Variants in OSBPL3 observed in about 807,000 individuals in gnomAD.
OSBPL3 encodes the protein oxysterol binding protein like 3.
In OSBPL3, 65 loss-of-function variants were observed where a neutral mutation model predicts 120.1. The ratio of observed to expected loss-of-function variants is 0.54; its 90% CI spans 0.44 to 0.67. The LOEUF (loss-of-function observed/expected upper bound fraction) is 0.67. OSBPL3 is among the 30% of genes least tolerant of loss of function. The probability of loss-of-function intolerance (pLI) is 0.00; values close to 1 mark genes in which losing one functional copy is unlikely to be tolerated. For synonymous variants in OSBPL3, 416 were observed against 402.6 expected (o/e 1.03, Z -0.40); for missense variants, 1,004 against 1,082.1 (o/e 0.93, Z 1.01).
At chr7:24,929,486 C>G (rs1248370260) in intron 1 of OSBPL3, among the ~76,000 whole-genome samples, 1 of 152,128 alleles carries the variant, frequency 6.6e-6, no homozygotes, top group Non-Finnish European at 1.5e-5. Flanking sequence ...AAAAATATCG[C>G]AGTACTTTCA....
chr7:24,950,498 G>A (rs1401719050), intron 1 of OSBPL3, among the ~76,000 whole-genome samples: 3 of 152,208 alleles, frequency 2.0e-5, no homozygotes, highest in Non-Finnish European at 4.4e-5. Context: ...CGAGGCGGGC[G>A]GATCACGAGG....
chr7:24,950,970 C>T (rs1213977755), intron 1 of OSBPL3, among the ~76,000 whole-genome samples: 1 of 152,036 alleles, frequency 6.6e-6, no homozygotes, highest in African/African-American at 2.4e-5. Context: ...TTATATAAAG[C>T]TAAGCCTTAA....
At chr7:24,971,008 A>C (rs1816954289) in intron 1 of OSBPL3, among the ~76,000 whole-genome samples, 1 of 152,238 alleles carries the variant, frequency 6.6e-6, no homozygotes, top group Admixed American at 6.5e-5. Flanking sequence ...CATGGACAAG[A>C]AAATCCTCTC....
At position 24,962,385 on chromosome 7, in the gene OSBPL3, G is replaced by A. The variant is rs182240120; in HGVS notation, c.-150+17501C>T. On this transcript the variant is annotated intron_variant, in intron 1 of 22. Transcript: ENST00000313367. ...AAAAGAAAAAGAAAGGAGAGGAGAG[G>A]GGAGGGGGGAGGGGAGGGCAGAAGG... 5.5e-3 allele frequency among the ~76,000 whole-genome samples: 710 copies of A among 128,538 alleles called. 4 individuals are homozygous for A. The highest frequency in any genetic ancestry group is 9.6e-3 in the Non-Finnish European group (572 of 59,686). 84.3% of individuals were successfully genotyped at this position (128,538 alleles called of 152,430 possible). A position where few individuals can be genotyped will look rare whatever the true frequency, so the allele number is the denominator to read the frequency against.
Position 24,852,680 on chromosome 7 carries a change from A to T in OSBPL3, c.1028-46T>A, listed in dbSNP as rs956166138. 2.3e-6 allele frequency: 3 copies of T among 1,323,466 alleles called. No homozygotes were observed. The highest frequency in any genetic ancestry group is 2.5e-5 in the East Asian group (1 of 39,948). The allele number at this position is 1,323,466 out of a possible 1,614,324, so 82.0% of individuals were successfully genotyped here. ...TAAAAAGGAATAAGGAGGCATAATT[A>T]AAAACAAAATACAGAAAAAAACATA... On this transcript the variant is annotated intron_variant, in intron 10 of 22. Coordinates refer to ENST00000313367, the MANE Select transcript of OSBPL3 (RefSeq NM_015550.4). The surrounding 1 kb of genome is among the most constrained non-coding windows in gnomAD (Gnocchi z 4.1).
chr7:24,917,414 ATATATATATATATTTG>A (rs1400608472), intron 1 of OSBPL3, among the ~76,000 whole-genome samples: 2 of 141,030 alleles, frequency 1.4e-5, no homozygotes, highest in Non-Finnish European at 1.5e-5. Context: ...ATATATATAT[ATATATATATATATTTG>A]TAACATATAT....
rs1207304053 is a variant in OSBPL3 at position 24,854,580 on chromosome 7, G to A, written c.1028-1946C>T. Reference sequence around the variant, plus strand: ...CTGCCTCTGCCAACAGAAGATGGGGGTCAAATGGAACTAAAATTTTCTAAC... The same window carrying A: ...CTGCCTCTGCCAACAGAAGATGGGGATCAAATGGAACTAAAATTTTCTAAC... On this transcript the variant is annotated intron_variant, in intron 10 of 22. Transcript: ENST00000313367. The surrounding 1 kb of genome is among the most constrained non-coding windows in gnomAD (Gnocchi z 4.1). Among the ~76,000 whole-genome samples, 2 of 151,650 alleles carry A rather than the reference G, an allele frequency of 1.3e-5. No individual in the cohort carries two copies. Among genetic ancestry groups the A allele is most frequent in the African/African-American group, 4.9e-5 (2 of 41,228 alleles).
At chr7:24,920,618 G>T (rs1439205071) in intron 1 of OSBPL3, among the ~76,000 whole-genome samples, 4 of 152,138 alleles carry the variant, frequency 2.6e-5, no homozygotes, top group Admixed American at 2.6e-4. Flanking sequence ...AGTAAATTCT[G>T]TAGTATGTGA....
rs1801504930 is a variant in OSBPL3 at position 24,867,544 on chromosome 7, A to G, written c.382-1307T>C. ...GGGTCTCGCAAGATCTGGTGGTATT[A>G]TAAAGTGGTGTTTCCCTGCACAAAC... On this transcript the variant is annotated intron_variant, in intron 5 of 22. Transcript: ENST00000313367. This position sits in a 1 kb window ranked among gnomAD's most constrained non-coding sequence, Gnocchi z 4.5. Among the ~76,000 whole-genome samples the G allele has an allele frequency of 6.6e-6, 1 of 152,154 alleles. No individual in the cohort carries two copies. The highest frequency in any genetic ancestry group is 2.4e-5 in the African/African-American group (1 of 41,424).
Position 24,900,118 on chromosome 7 carries a change from GT to G in OSBPL3, c.-149-7498del, listed in dbSNP as rs751413868. ...CAGCATCATTATCACCTGGGACCTT[GT>G]TAGGAATGCAAAATCTCTGACCCTA... On this transcript the variant is annotated intron_variant, in intron 1 of 22. Coordinates refer to ENST00000313367, the MANE Select transcript of OSBPL3 (RefSeq NM_015550.4). The surrounding 1 kb of genome is among the most constrained non-coding windows in gnomAD (Gnocchi z 4.5). Among the ~76,000 whole-genome samples the G allele has an allele frequency of 6.6e-6, 1 of 152,182 alleles. No homozygotes were observed. The highest frequency in any genetic ancestry group is 1.5e-5 in the Non-Finnish European group (1 of 68,038).
rs181397694 is a variant in OSBPL3, at chr7:24,849,916, G to A, written c.1159-740C>T. ...AGATGTTGCAGCGAGCTGAGATTGCGGCCTGGGTGAGAGTGAGACCCTGTC... is the reference window on the plus strand; with the variant it reads ...AGATGTTGCAGCGAGCTGAGATTGCAGCCTGGGTGAGAGTGAGACCCTGTC... On this transcript the variant is annotated intron_variant, in intron 11 of 22. Transcript: ENST00000313367. The surrounding 1 kb of genome is among the most constrained non-coding windows in gnomAD (Gnocchi z 5.4). 4.0e-5 allele frequency among the ~76,000 whole-genome samples: 6 copies of A among 151,298 alleles called. No homozygotes were observed. The highest frequency in any genetic ancestry group is 2.1e-4 in the South Asian group (1 of 4,764).
chr7:24,959,797 G>A lies in OSBPL3; in HGVS notation c.-150+20089C>T, dbSNP rs540074453. On this transcript the variant is annotated intron_variant, in intron 1 of 22. Transcript: ENST00000313367. The surrounding 1 kb of genome is among the most constrained non-coding windows in gnomAD (Gnocchi z 4.3). Reference sequence around the variant, plus strand: ...TTTTCTAAATGCTGACATGCTTATCGGCCACTTGTAAAACCCAGCTGACCT... The same window carrying A: ...TTTTCTAAATGCTGACATGCTTATCAGCCACTTGTAAAACCCAGCTGACCT... Among the ~76,000 whole-genome samples, 12 of 152,156 alleles carry A rather than the reference G, an allele frequency of 7.9e-5. No individual in the cohort carries two copies. The highest frequency in any genetic ancestry group is 3.4e-3 in the Middle Eastern group (1 of 294).
rs936856678 is a variant in OSBPL3, at chr7:24,881,981, G to A, written c.97-9912C>T. Among the ~76,000 whole-genome samples the A allele has an allele frequency of 1.3e-5, 2 of 152,098 alleles. No homozygotes were observed. The highest frequency in any genetic ancestry group is 2.9e-5 in the Non-Finnish European group (2 of 68,014). ...ATAAGGACATTTGTCAGTGAATTTA[G>A]GGCCCACCTGGATAATCTGAGCTGC... On this transcript the variant is annotated intron_variant, in intron 2 of 22. Transcript: ENST00000313367. The surrounding 1 kb of genome is among the most constrained non-coding windows in gnomAD (Gnocchi z 4.3).
At chr7:24,905,874 A>T (rs1168313975) in intron 1 of OSBPL3, among the ~76,000 whole-genome samples, 1 of 152,208 alleles carries the variant, frequency 6.6e-6, no homozygotes, top group Non-Finnish European at 1.5e-5. Context: ...TCTACTAAAA[A>T]TACAAAAGTT....
chr7:24,945,532 C>A (rs1813617888), intron 1 of OSBPL3, among the ~76,000 whole-genome samples: 1 of 152,212 alleles, frequency 6.6e-6, no homozygotes, highest in African/African-American at 2.4e-5. Context: ...TGAAAACATC[C>A]TGCACGAAGG....
chr7:24,886,555 T>C (rs548929672), intron 2 of OSBPL3, among the ~76,000 whole-genome samples: 6 of 152,336 alleles, frequency 3.9e-5, no homozygotes, highest in African/African-American at 1.4e-4. Flanking sequence ...CCTGCCCCAA[T>C]AGAAGGATAT....
In OSBPL3 at chr7:24,866,051, T is replaced by A; in HGVS notation, c.549+19A>T. On this transcript the variant is annotated intron_variant, in intron 6 of 22. Coordinates refer to ENST00000313367, the MANE Select transcript of OSBPL3 (RefSeq NM_015550.4). ...AGCCACCCCGTTCTCAGATTCATTA[T>A]TGGCAAAACACTCATTACCTTCCTA... 1 of 1,603,896 alleles carries A rather than the reference T, an allele frequency of 6.2e-7. No homozygotes were observed. Among genetic ancestry groups the A allele is most frequent in the Non-Finnish European group, 8.5e-7 (1 of 1,171,280 alleles).
chr7:24,964,170 CAAAT>C lies in OSBPL3; in HGVS notation c.-150+15712_-150+15715del, dbSNP rs1488571463. ...ACAAATCCGACTCACAGAAGAATGT[CAAAT>C]AATTTATGTAGCTACACCACCCTCA... is the stretch of plus-strand genomic sequence containing the variant. On this transcript the variant is annotated intron_variant, in intron 1 of 22. Transcript: ENST00000313367. The surrounding 1 kb of genome is among the most constrained non-coding windows in gnomAD (Gnocchi z 4.2). Among the ~76,000 whole-genome samples the C allele has an allele frequency of 6.6e-6, 1 of 152,152 alleles. No homozygotes were observed. Among genetic ancestry groups the C allele is most frequent in the African/African-American group, 2.4e-5 (1 of 41,436 alleles).
rs181629007 is a variant in OSBPL3, at chr7:24,798,374, T to C, written c.*1809A>G. On this transcript the variant is annotated 3_prime_UTR_variant, in exon 23 of 23. Transcript: ENST00000313367. This position sits in a 1 kb window ranked among gnomAD's most constrained non-coding sequence, Gnocchi z 4.6. ...TGTGGAAACTACATTTGTTTTCCCC[T>C]TGAGTGCCCTTAAATCTACAGCCTG... 2.5e-4 allele frequency: 38 copies of C among 152,336 alleles called. No individual in the cohort carries two copies. The highest frequency in any genetic ancestry group is 6.5e-4 in the African/African-American group (27 of 41,580). The allele number at this position is 152,336 out of a possible 1,614,324, so 9.4% of individuals were successfully genotyped here.
Sources: allele counts gnomAD v4.1 joint callset (sites outside exome capture counted in the v4.1 genomes callset), GRCh38; gene constraint gnomAD v4.1.1; non-coding constraint Gnocchi (gnomAD v3.1); transcripts MANE v1.5; gene names NCBI Gene and HGNC (gene_info 2026-07-23, HGNC 2026-07-21).